CEP192: variants seen among roughly 807,000 people sequenced by gnomAD.
The protein encoded by CEP192 is centrosomal protein 192, also known as centrosomal protein of 192 kDa.
CEP192 carries 151 observed loss-of-function variants against 271.8 expected under a neutral mutation model. The observed-to-expected ratio is 0.56, with a 90% CI of 0.49 to 0.64. CEP192 has a LOEUF of 0.64. Among genes scored for constraint, CEP192 ranks in the 30% least tolerant of loss-of-function variants. CEP192 has a pLI of 0.00. For missense variants in CEP192, 2,910 were observed against 3,020.5 expected (o/e 0.96, Z 0.86); for synonymous variants, 995 against 1,076.5 (o/e 0.92, Z 1.48).
rs1470442036 is a variant in CEP192 at position 13,054,015 on chromosome 18, A to G, written c.3189+925A>G. The stretch of plus-strand genomic sequence containing the variant: ...CTAATTAAAACAAATTTTTTTAGAG[A>G]TGGGGTCTTGCTATGTTGCCAGAGC... On this transcript the variant is annotated intron_variant, in intron 18 of 44. Transcript: ENST00000506447. Among the ~76,000 whole-genome samples, 2 of 152,020 alleles carry G rather than the reference A, an allele frequency of 1.3e-5. 1 individual carries two copies. Among genetic ancestry groups the G allele is most frequent in the Non-Finnish European group, 2.9e-5 (2 of 67,984 alleles).
Position 13,068,936 on chromosome 18 carries a change from T to C in CEP192, c.4907T>C (p.Val1636Ala). The C allele has an allele frequency of 6.2e-7, 1 of 1,614,200 alleles. No homozygotes were observed. Among genetic ancestry groups the C allele is most frequent in the Non-Finnish European group, 8.5e-7 (1 of 1,180,028 alleles). Residue 1636 changes from valine (V) to alanine (A), a missense_variant, in exon 25 of 45, where the codon GTG becomes GCG. Physicochemically the swap from Val to Ala is moderately conservative, Grantham distance 64. Transcript: ENST00000506447. ...SPNPTPVLRS[V>A]SLRARAGIAR... ...AACCCTACGCCCGTTCTTAGAAGTG[T>C]GAGTCTCCGAGCAAGAGCAGGAATA...
chr18:13,068,184 C>T lies in CEP192; in HGVS notation c.4705C>T (p.Leu1569=), dbSNP rs2037815691. Residue 1569 remains leucine, a synonymous_variant, in exon 23 of 45, where the codon CTA becomes TTA. Transcript: ENST00000506447. ...TCCTTGCGCTGATGTGGTCACTCGGCTAGCAGGCCCTTCTGTGGTCAACCA... is the reference window on the plus strand; with the variant it reads ...TCCTTGCGCTGATGTGGTCACTCGGTTAGCAGGCCCTTCTGTGGTCAACCA... The part of the protein sequence containing the change: ...VAPCADVVTR[L]AGPSVVNHMM... 1.9e-6 allele frequency: 3 copies of T among 1,614,128 alleles called. No individual in the cohort carries two copies. Among genetic ancestry groups the T allele is most frequent in the East Asian group, 2.2e-5 (1 of 44,904 alleles).
rs1263902871 is a variant in CEP192 at position 13,077,186 on chromosome 18, G to A, written c.5616+4001G>A. 4.6e-5 allele frequency among the ~76,000 whole-genome samples: 7 copies of A among 152,146 alleles called. No homozygotes were observed. The East Asian group carries it at 5.8e-4, about 13-fold the overall frequency. On this transcript the variant is annotated intron_variant, in intron 30 of 44. Coordinates refer to ENST00000506447, the MANE Select transcript of CEP192 (RefSeq NM_032142.4). Reference sequence around the variant, plus strand: ...ATTTTAGTTAAGTACATAACAACTCGGAATAAGTTATGATGGTTTCAAGTT... The same window carrying A: ...ATTTTAGTTAAGTACATAACAACTCAGAATAAGTTATGATGGTTTCAAGTT...
At chr18:13,070,595 C>A (rs1285586717) in intron 27 of CEP192, among the ~76,000 whole-genome samples, 1 of 152,192 alleles carries the variant, frequency 6.6e-6, no homozygotes, top group East Asian at 1.9e-4. Flanking sequence ...TTGCGTAACC[C>A]TAGCTTAAAG....
At chr18:13,086,409 A>C (rs1030873973) in intron 30 of CEP192, among the ~76,000 whole-genome samples, 1 of 152,206 alleles carries the variant, frequency 6.6e-6, no homozygotes, top group Non-Finnish European at 1.5e-5. Flanking sequence ...CAAAACTTCC[A>C]ATACTGTGTT....
chr18:13,061,668 G>T (rs1449109477), intron 21 of CEP192, among the ~76,000 whole-genome samples: 1 of 152,160 alleles, frequency 6.6e-6, no homozygotes, highest in Non-Finnish European at 1.5e-5. Flanking sequence ...ATACTTCTCA[G>T]TCAGCTCTGC....
intron 17 of CEP192, among the ~76,000 whole-genome samples, chr18:13,051,555 A>T (rs1032326130): frequency 5.3e-5 from 8 of 151,694 alleles, no homozygotes; most frequent in East Asian, 1.9e-4. Flanking sequence ...TTTATTTTTT[A>T]TTTTTTTTGA....
At chr18:13,079,086 G>A (rs1039247363) in intron 30 of CEP192, among the ~76,000 whole-genome samples, 6 of 152,172 alleles carry the variant, frequency 3.9e-5, no homozygotes, top group East Asian at 1.9e-4. Context: ...GAATAGTGCC[G>A]CAATAAACAT....
At chr18:13,045,196 A>G (rs1057269726) in intron 15 of CEP192, among the ~76,000 whole-genome samples, 19 of 151,860 alleles carry the variant, frequency 1.3e-4, no homozygotes, top group Admixed American at 9.8e-4. Flanking sequence ...TTTATTCTCA[A>G]TTCTGTTTGT....
intron 40 of CEP192, 91 bp from the exon 41 acceptor site, chr18:13,113,488 CTTTAATT>C: frequency 8.2e-7 from 1 of 1,221,382 alleles, no homozygotes; most frequent in Non-Finnish European, 1.2e-6. Context: ...GCATTTGTTC[CTTTAATT>C]TTTTTCATAC....
intron 40 of CEP192, among the ~76,000 whole-genome samples, chr18:13,107,508 G>A (rs1269922866): frequency 2.6e-5 from 4 of 152,162 alleles, no homozygotes; most frequent in Non-Finnish European, 4.4e-5. Context: ...CTGAAAGCTT[G>A]GTTTTCATTA....
chr18:13,018,947 G>T, intron 8 of CEP192, 135 bp from the exon 9 acceptor site: 3 of 793,002 alleles, frequency 3.8e-6, no homozygotes, highest in South Asian at 2.2e-5. Context: ...TTCTCTCTAC[G>T]AAAATGGCTA....
At chr18:13,052,890 T>G (rs760820737) in intron 17 of CEP192, 29 bp from the exon 18 acceptor site, 3 of 1,291,482 alleles carry the variant, frequency 2.3e-6, no homozygotes, top group Non-Finnish European at 3.1e-6. Context: ...ACTGGAGAAC[T>G]CCAGGTGTGA....
At position 13,057,245 on chromosome 18, in the gene CEP192, T is replaced by G. The variant is rs1237519274; in HGVS notation, c.4109-340T>G. ...TCTGGAAAGTTAAAGCCTCTGGAGG[T>G]TTTTTTTGTTTGTTTTTTTTTTTAG... is the stretch of plus-strand genomic sequence containing the variant. On this transcript the variant is annotated intron_variant, in intron 19 of 44. Transcript: ENST00000506447. Among the ~76,000 whole-genome samples the G allele has an allele frequency of 1.1e-4, 4 of 37,148 alleles. No individual in the cohort carries two copies. The East Asian group carries it at 3.4e-3, about 31-fold the overall frequency. 24.4% of individuals were successfully genotyped at this position (37,148 alleles called of 152,430 possible).
At position 13,012,920 on chromosome 18, in the gene CEP192, T is replaced by A. The variant is rs549519595; in HGVS notation, c.467-53T>A. ...TGCTATTTTTAGGTATCGTTGGGTA[T>A]TTGGTTGATAAAATAACCTGGTCTC... On this transcript the variant is annotated intron_variant, in intron 4 of 44. Coordinates refer to ENST00000506447, the MANE Select transcript of CEP192 (RefSeq NM_032142.4). 16 of 961,020 alleles carry A rather than the reference T, an allele frequency of 1.7e-5. No individual in the cohort carries two copies. In the African/African-American group the frequency reaches 2.5e-4, roughly 15 times the overall value. The allele number at this position is 961,020 out of a possible 1,614,324, so 59.5% of individuals were successfully genotyped here. A position where few individuals can be genotyped will look rare whatever the true frequency, so the allele number is the denominator to read the frequency against.
intron 35 of CEP192, 42 bp downstream of exon 35, chr18:13,095,723 G>C (rs374284136): frequency 2.2e-5 from 35 of 1,557,584 alleles, no homozygotes; most frequent in Non-Finnish European, 2.9e-5. Flanking sequence ...GTGTTCCGGC[G>C]TCCGGGCCTG....
At chr18:13,123,588 G>C (rs1249180796) in intron 44 of CEP192, among the ~76,000 whole-genome samples, 1 of 152,100 alleles carries the variant, frequency 6.6e-6, no homozygotes, top group South Asian at 2.1e-4. Flanking sequence ...CGAGACTAAG[G>C]GGTGAAGTAC....
In CEP192 at chr18:13,013,011, A is replaced by G. The variant is rs1188368562; in HGVS notation, c.505A>G (p.Asn169Asp). The G allele has an allele frequency of 9.3e-6, 14 of 1,503,658 alleles. No individual in the cohort carries two copies. The highest frequency in any genetic ancestry group is 1.2e-5 in the Non-Finnish European group (13 of 1,105,640). The allele number at this position is 1,503,658 out of a possible 1,614,324, so 93.1% of individuals were successfully genotyped here. A position where few individuals can be genotyped will look rare whatever the true frequency, so the allele number is the denominator to read the frequency against. ...TTTTCATTTACAGTCATGGATGAAT[A>G]ATAAGGAACCCAAGGTAACCTTTTA... ...IDFHLQSWMN[N>D]KEPKIVVLDA... Residue 169 changes from asparagine (N) to aspartate (D), a missense_variant, in exon 5 of 45, where the codon AAT (asparagine) becomes GAT (aspartate). Physicochemically the swap from Asn to Asp is conservative, Grantham distance 23. Transcript: ENST00000506447.
intron 4 of CEP192, among the ~76,000 whole-genome samples, chr18:13,010,794 C>T (rs948676578): frequency 1.3e-5 from 2 of 151,234 alleles, no homozygotes; most frequent in African/African-American, 2.4e-5. Flanking sequence ...TGCGGTGAGC[C>T]GAGATCGCGC....
Sources: gnomAD v4.1 joint callset for allele counts (sites outside exome capture counted in the v4.1 genomes callset) on GRCh38, gnomAD v4.1.1 for gene constraint, MANE v1.5 for transcripts, NCBI Gene and HGNC (gene_info 2026-07-23, HGNC 2026-07-21) for gene names.